CSGALNACT1: variants seen among roughly 807,000 people sequenced by gnomAD.
The protein encoded by CSGALNACT1 is chondroitin sulfate N-acetylgalactosaminyltransferase 1, also known as beta4GalNAcT-1.
In CSGALNACT1, 52 loss-of-function variants were observed where a neutral mutation model predicts 51.0. That is an observed-to-expected ratio of 1.02 (90% CI 0.82 to 1.29). The LOEUF (loss-of-function observed/expected upper bound fraction) is 1.29, where lower values mean the gene tolerates loss of function less well. Ranked by LOEUF, CSGALNACT1 falls within the 50% of genes most tolerant of loss-of-function variation. The pLI is 0.00. For synonymous variants in CSGALNACT1, 341 were observed against 254.4 expected (o/e 1.34, Z -3.24); for missense variants, 935 against 679.2 (o/e 1.38, Z -4.19).
Position 19,505,343 on chromosome 8 carries a change from G to C in CSGALNACT1, c.492C>G (p.Thr164=), listed in dbSNP as rs767033498. 2.5e-6 allele frequency: 4 copies of C among 1,614,150 alleles called. No individual in the cohort carries two copies. The highest frequency in any genetic ancestry group is 3.4e-6 in the Non-Finnish European group (4 of 1,180,028). Residue 164 remains threonine (T), a synonymous_variant, in exon 4 of 10, where the codon ACC becomes ACG. Coordinates refer to ENST00000454498, the Ensembl canonical transcript of CSGALNACT1. ...TCACAGGCTTCTCCTCGGGGTGGCGGGTAAGGCCAGTCTCCAGCTGGTACA... is the reference window on the plus strand; with the variant it reads ...TCACAGGCTTCTCCTCGGGGTGGCGCGTAAGGCCAGTCTCCAGCTGGTACA...
upstream of CSGALNACT1, among the ~76,000 whole-genome samples, chr8:19,607,088 G>A (rs1037582345): frequency 6.6e-6 from 1 of 151,928 alleles, no homozygotes; most frequent in African/African-American, 2.4e-5. Flanking sequence ...TCAGGAGGCA[G>A]AGTGTGCAGC....
chr8:19,732,166 C>T (rs749544518), intron 1 of CSGALNACT1, among the ~76,000 whole-genome samples: 8 of 152,314 alleles, frequency 5.3e-5, no homozygotes, highest in East Asian at 3.9e-4. Flanking sequence ...GTGCTTAAAA[C>T]GGCACGTTAT....
At chr8:19,495,331 G>A (rs1379402716) in intron 4 of CSGALNACT1, 3 of 152,192 alleles carry the variant, frequency 2.0e-5, no homozygotes, top group African/African-American at 7.2e-5. Context: ...ATATTCATTT[G>A]TAAGTTACTC....
intron 1 of CSGALNACT1, among the ~76,000 whole-genome samples, chr8:19,670,650 C>CTAAAAAAAAA (rs2059722652): frequency 1.1e-5 from 1 of 92,848 alleles, no homozygotes; most frequent in Admixed American, 1.5e-4. Context: ...CTACTGAAGA[C>CTAAAAAAAAA]AAAAAAAAAA....
intron 3 of CSGALNACT1, among the ~76,000 whole-genome samples, chr8:19,589,436 C>T (rs1181488416): frequency 6.6e-6 from 1 of 152,154 alleles, no homozygotes; most frequent in East Asian, 1.9e-4. Flanking sequence ...AACAATTATC[C>T]TGCCTAAGCC....
At chr8:19,626,545 G>C (rs1340367253) in intron 1 of CSGALNACT1, among the ~76,000 whole-genome samples, 1 of 152,078 alleles carries the variant, frequency 6.6e-6, no homozygotes, top group Non-Finnish European at 1.5e-5. Context: ...AGAAATCTTA[G>C]GCATGACACT....
chr8:19,585,844 G>A (rs1443386275), intron 3 of CSGALNACT1, among the ~76,000 whole-genome samples: 1 of 152,098 alleles, frequency 6.6e-6, no homozygotes, highest in African/African-American at 2.4e-5. Context: ...TCTGCCCTGA[G>A]GAGCTCAGGA....
At chr8:19,526,232 G>C (rs1387539759) in intron 3 of CSGALNACT1, among the ~76,000 whole-genome samples, 3 of 152,158 alleles carry the variant, frequency 2.0e-5, no homozygotes, top group African/African-American at 7.2e-5. Context: ...TCAGGGGCTT[G>C]CATTTCCTTA....
intron 1 of CSGALNACT1, among the ~76,000 whole-genome samples, chr8:19,636,318 G>A (rs1266458364): frequency 6.6e-6 from 1 of 151,746 alleles, no homozygotes; most frequent in Admixed American, 6.6e-5. Context: ...TCATAGATAA[G>A]TATATATTCA....
At chr8:19,551,272 C>T (rs138946580) in intron 3 of CSGALNACT1, among the ~76,000 whole-genome samples, 1 of 152,278 alleles carries the variant, frequency 6.6e-6, no homozygotes, top group East Asian at 1.9e-4. Flanking sequence ...GATGAGTGAC[C>T]TTTGACCTCA....
At chr8:19,645,855 T>G (rs112692628) in intron 1 of CSGALNACT1, among the ~76,000 whole-genome samples, 8 of 152,086 alleles carry the variant, frequency 5.3e-5, no homozygotes, top group African/African-American at 1.9e-4. Flanking sequence ...TGGCCTGGGC[T>G]CTCTCTGTCC....
chr8:19,572,308 A>C (rs538091750), intron 3 of CSGALNACT1, among the ~76,000 whole-genome samples: 70 of 152,322 alleles, frequency 4.6e-4, no homozygotes, highest in African/African-American at 1.6e-3. Context: ...TTGTGCCATT[A>C]ATGTTCACCT....
intron 1 of CSGALNACT1, among the ~76,000 whole-genome samples, chr8:19,712,631 TA>T (rs1481148041): frequency 6.6e-6 from 1 of 152,152 alleles, no homozygotes; most frequent in Non-Finnish European, 1.5e-5. Context: ...CTCTGCACTC[TA>T]ACTACCGCCA....
chr8:19,737,124 A>G (rs1051956026), intron 1 of CSGALNACT1, among the ~76,000 whole-genome samples: 1 of 152,220 alleles, frequency 6.6e-6, no homozygotes, highest in Non-Finnish European at 1.5e-5. Flanking sequence ...CTTCCAACCT[A>G]GAATTTTACA....
At chr8:19,605,034 C>A (rs983477264), upstream of CSGALNACT1, among the ~76,000 whole-genome samples, 1 of 152,068 alleles carries the variant, frequency 6.6e-6, no homozygotes, top group Non-Finnish European at 1.5e-5. Context: ...AGGAACACAG[C>A]CCACCCTGAT....
At chr8:19,704,051 C>G (rs998846637) in intron 1 of CSGALNACT1, among the ~76,000 whole-genome samples, 1 of 152,146 alleles carries the variant, frequency 6.6e-6, no homozygotes, top group Non-Finnish European at 1.5e-5. Flanking sequence ...CATGGGAGAT[C>G]TTACTTTTTA....
chr8:19,458,562 G>A lies in CSGALNACT1; in HGVS notation c.715C>T (p.Leu239Phe), dbSNP rs778575165. 3.1e-6 allele frequency: 5 copies of A among 1,614,016 alleles called. No individual in the cohort carries two copies. In the South Asian group the frequency reaches 4.4e-5, roughly 14 times the overall value. ...GGGCCGAATGGTCGAAATAAGATGA[G>A]CCGTTTGAATTCGTGTTTGTGGTCC... Residue 239 changes from leucine to phenylalanine, a missense_variant, in exon 5 of 10, where the codon CTC becomes TTC. Transcript: ENST00000454498.
upstream of CSGALNACT1, among the ~76,000 whole-genome samples, chr8:19,606,406 AT>A (rs2051375510): frequency 6.6e-6 from 1 of 152,236 alleles, no homozygotes; most frequent in South Asian, 2.1e-4. Context: ...TTCTCAAGAT[AT>A]GTCTCAGAAA....
At chr8:19,686,490 A>C (rs2060984936), upstream of CSGALNACT1, among the ~76,000 whole-genome samples, 2 of 152,150 alleles carry the variant, frequency 1.3e-5, no homozygotes, top group Admixed American at 1.3e-4. Flanking sequence ...GTTCCAGTGA[A>C]ATGCACCCAG....
Sources: allele counts gnomAD v4.1 joint callset (sites outside exome capture counted in the v4.1 genomes callset), GRCh38; gene constraint gnomAD v4.1.1; transcripts MANE v1.5; gene names NCBI Gene and HGNC (gene_info 2026-07-23, HGNC 2026-07-21).